The following NUTM2B variants were observed in gnomAD, a reference collection of about 807,000 sequenced individuals.
NUTM2B encodes the protein NUT family member 2B, also known as family with sequence similarity 22, member B.
In NUTM2B, 2 loss-of-function variants were observed where a neutral mutation model predicts 42.4. The ratio of observed to expected loss-of-function variants is 0.05; its 90% CI spans 0.02 to 0.15. The LOEUF is 0.15. Among genes scored for constraint, NUTM2B ranks in the 10% least tolerant of loss-of-function variants. The pLI is 1.00. For synonymous variants in NUTM2B, 18 were observed against 402.4 expected, an observed-to-expected ratio of 0.04 and a Z score of 11.43; for missense variants, 58 against 952.6, an observed-to-expected ratio of 0.06 and a Z score of 12.36.
At chr10:79,692,965 C>A in the NUTM2B span, among the ~76,000 whole-genome samples, 3 of 152,172 alleles carry the variant, frequency 2.0e-5, no homozygotes, top group African/African-American at 4.8e-5. Context: ...CTACTTACAG[C>A]CCCAGGAAAT....
chr10:79,701,379 G>C (rs895705795), upstream of NUTM2B, among the ~76,000 whole-genome samples: 4 of 151,962 alleles, frequency 2.6e-5, no homozygotes, highest in African/African-American at 9.7e-5. Flanking sequence ...CCCTGACTCT[G>C]CAACACAGTG....
At chr10:79,694,310 T>C in the NUTM2B span, among the ~76,000 whole-genome samples, 1 of 150,446 alleles carries the variant, frequency 6.6e-6, no homozygotes, top group African/African-American at 2.4e-5. Flanking sequence ...CGCAGGAGAA[T>C]GGCTTAGAAC....
At chr10:79,693,455 A>G in the NUTM2B span, among the ~76,000 whole-genome samples, 1 of 152,342 alleles carries the variant, frequency 6.6e-6, no homozygotes, top group East Asian at 1.9e-4. Context: ...TCTTCTGTTC[A>G]TAGAGAGAAG....
intron 3 of NUTM2B, 81 bp from the exon 4 acceptor site, chr10:79,709,719 C>T: frequency 1.9e-6 from 1 of 524,946 alleles, no homozygotes; most frequent in Non-Finnish European, 3.2e-6. Context: ...TCCCTCCTAT[C>T]CCTGCCCTCG....
At chr10:79,709,748 G>T in intron 3 of NUTM2B, 52 bp from the exon 4 acceptor site, 1 of 528,582 alleles carries the variant, frequency 1.9e-6, no homozygotes, top group South Asian at 2.8e-5. Context: ...CTGGTCCTGC[G>T]GGGAGGGGGC....
chr10:79,694,707 G>C, the NUTM2B span, among the ~76,000 whole-genome samples: 2 of 152,172 alleles, frequency 1.3e-5, no homozygotes, highest in Non-Finnish European at 2.9e-5. Context: ...AGAACCAGAT[G>C]AATACATCAG....
At chr10:79,697,710 T>C in the NUTM2B span, among the ~76,000 whole-genome samples, 4 of 148,800 alleles carry the variant, frequency 2.7e-5, no homozygotes, top group Non-Finnish European at 5.9e-5. Flanking sequence ...TAACAGTACA[T>C]AATGAAAATC....
chr10:79,696,236 A>T, the NUTM2B span, among the ~76,000 whole-genome samples: 36,565 of 147,178 alleles, frequency 0.25, 5,263 homozygotes, highest in East Asian at 0.68. Flanking sequence ...GTGATGCTTA[A>T]GTGGTGTAAG....
chr10:79,711,136 G>A, intron 5 of NUTM2B, 114 bp from the exon 6 acceptor site: 1 of 599,726 alleles, frequency 1.7e-6, no homozygotes, highest in Non-Finnish European at 2.9e-6. Context: ...ATATGAGACA[G>A]CCCCAGGAGG....
At chr10:79,702,920 C>T (rs1449550555), upstream of NUTM2B, among the ~76,000 whole-genome samples, 1 of 149,038 alleles carries the variant, frequency 6.7e-6, no homozygotes, top group Non-Finnish European at 1.5e-5. Flanking sequence ...CAGAGAACCA[C>T]ATGCGATGAC....
intron 1 of NUTM2B, among the ~76,000 whole-genome samples, chr10:79,705,257 G>C (rs1480675650): frequency 6.8e-6 from 1 of 146,374 alleles, no homozygotes; most frequent in African/African-American, 2.6e-5. Context: ...TGTTCTAATC[G>C]TGTGTGGCTT....
chr10:79,692,219 T>A, the NUTM2B span, among the ~76,000 whole-genome samples: 1 of 152,236 alleles, frequency 6.6e-6, no homozygotes, highest in Non-Finnish European at 1.5e-5. Context: ...TGGGCAGTTA[T>A]GTTCCGTATG....
upstream of NUTM2B, among the ~76,000 whole-genome samples, chr10:79,702,193 G>T (rs1299351006): frequency 2.0e-5 from 3 of 152,064 alleles, no homozygotes; most frequent in Non-Finnish European, 4.4e-5. Flanking sequence ...GATCTTCTCA[G>T]CTAAGATGGA....
At chr10:79,700,964 C>T (rs1043003760), upstream of NUTM2B, among the ~76,000 whole-genome samples, 7 of 152,308 alleles carry the variant, frequency 4.6e-5, no homozygotes, top group South Asian at 1.5e-3. Context: ...CCAGCGCGTC[C>T]GCAACGATCA....
the NUTM2B span, among the ~76,000 whole-genome samples, chr10:79,693,892 C>T: frequency 6.6e-6 from 1 of 152,152 alleles, no homozygotes; most frequent in Non-Finnish European, 1.5e-5. Context: ...GATGTTGGCA[C>T]ATTTTATTGG....
At chr10:79,700,403 A>G (rs540215183), upstream of NUTM2B, among the ~76,000 whole-genome samples, 30 of 152,370 alleles carry the variant, frequency 2.0e-4, no homozygotes, top group South Asian at 4.6e-3. Context: ...CGGCCGAGAC[A>G]CACTTTGAGG....
chr10:79,705,584 T>C (rs1266571790), intron 1 of NUTM2B, among the ~76,000 whole-genome samples: 7 of 149,998 alleles, frequency 4.7e-5, no homozygotes, highest in South Asian at 2.2e-4. Context: ...AAAAGGAAGA[T>C]TGAAGAGGAG....
At chr10:79,698,388 A>T (rs1168768895), upstream of NUTM2B, among the ~76,000 whole-genome samples, 6 of 151,030 alleles carry the variant, frequency 4.0e-5, no homozygotes, top group African/African-American at 1.5e-4. Flanking sequence ...AGCATTCTCC[A>T]AAGAAATACA....
At chr10:79,711,841 C>A (rs1317635955) in exon 7 of NUTM2B, 2 of 1,576,916 alleles carry the variant, frequency 1.3e-6, no homozygotes, top group African/African-American at 1.5e-5. Context: ...TGACCCCCAA[C>A]AAGGGGTTGG....
Sources: gnomAD v4.1 joint callset for allele counts (sites outside exome capture counted in the v4.1 genomes callset) on GRCh38, gnomAD v4.1.1 for gene constraint, MANE v1.5 for transcripts, NCBI Gene and HGNC (gene_info 2026-07-23, HGNC 2026-07-21) for gene names.